COMMD1: variants seen among roughly 807,000 people sequenced by gnomAD.
COMMD1 encodes copper metabolism domain containing 1.
COMMD1 carries 10 observed loss-of-function variants against 17.2 expected under a neutral mutation model. The ratio of observed to expected loss-of-function variants is 0.58; its 90% CI spans 0.36 to 0.99. The LOEUF is 0.99. COMMD1 is among the 50% of genes least tolerant of loss of function. The pLI is 0.01. For missense variants in COMMD1, 270 were observed against 231.8 expected, an observed-to-expected ratio of 1.17 and a Z score of -1.07; for synonymous variants, 97 against 91.6, an observed-to-expected ratio of 1.06 and a Z score of -0.34.
intron 1 of COMMD1, among the ~76,000 whole-genome samples, chr2:61,978,448 A>G (rs1671864615): frequency 6.6e-6 from 1 of 152,198 alleles, no homozygotes; most frequent in Non-Finnish European, 1.5e-5. Flanking sequence ...TTTCCTTCAA[A>G]TATTGAGCTC....
intron 2 of COMMD1, among the ~76,000 whole-genome samples, chr2:62,061,565 T>TTTTTC (rs1558582138): frequency 7.3e-6 from 1 of 137,652 alleles, no homozygotes; most frequent in Admixed American, 7.1e-5. Context: ...TTTTTTTTTT[T>TTTTTC]TTTTTTTTGA....
rs184125947 is a variant in COMMD1 at position 62,129,122 on chromosome 2, G to A, written c.463-6709G>A. 1.7e-3 allele frequency among the ~76,000 whole-genome samples: 263 copies of A among 152,186 alleles called. 1 individual carries two copies. The highest frequency in any genetic ancestry group is 5.9e-3 in the African/African-American group (246 of 41,532). Reference sequence around the variant, plus strand: ...TTTGTATTTGGTGATTCTATGCTTCGGCAGTCTGAAGAGACTTAGCTTTAT... The same window carrying A: ...TTTGTATTTGGTGATTCTATGCTTCAGCAGTCTGAAGAGACTTAGCTTTAT... On this transcript the variant is annotated intron_variant, in intron 2 of 2. Coordinates refer to ENST00000311832, the MANE Select transcript of COMMD1 (RefSeq NM_152516.4).
rs114665633 is a variant in COMMD1, at chr2:62,101,115, G to C, written c.463-34716G>C. Among the ~76,000 whole-genome samples, 707 of 150,200 alleles carry C rather than the reference G, an allele frequency of 4.7e-3. 4 individuals are homozygous for C. The highest frequency in any genetic ancestry group is 0.016 in the African/African-American group (672 of 40,900). On this transcript the variant is annotated intron_variant, in intron 2 of 2. Transcript: ENST00000311832. The stretch of plus-strand genomic sequence containing the variant: ...CAAGATTTAAAAAAAAAAAAAATGA[G>C]AGCTTAGTCCTCAATGGCTTTTCTG...
intron 1 of COMMD1, among the ~76,000 whole-genome samples, chr2:61,952,079 T>A (rs192231142): frequency 6.6e-6 from 1 of 152,308 alleles, no homozygotes; most frequent in African/African-American, 2.4e-5. Flanking sequence ...GTAAAAGAAG[T>A]TTGACATGGC....
At chr2:61,960,334 G>C (rs569240411) in intron 1 of COMMD1, among the ~76,000 whole-genome samples, 1 of 152,080 alleles carries the variant, frequency 6.6e-6, no homozygotes, top group Non-Finnish European at 1.5e-5. Flanking sequence ...ATACAGTGGC[G>C]GGGGAGTTGG....
chr2:61,891,677 G>C (rs1243735720), intron 1 of COMMD1, among the ~76,000 whole-genome samples: 1 of 151,810 alleles, frequency 6.6e-6, no homozygotes, highest in Admixed American at 6.6e-5. Flanking sequence ...GTAGTGAGCC[G>C]AGATCATGCC....
At chr2:62,032,243 C>G (rs1669927074) in intron 2 of COMMD1, among the ~76,000 whole-genome samples, 1 of 152,114 alleles carries the variant, frequency 6.6e-6, no homozygotes, top group South Asian at 2.1e-4. Context: ...TGCCAGAAAC[C>G]ACTGACTCAT....
chr2:61,893,952 A>G (rs147324819), intron 1 of COMMD1, among the ~76,000 whole-genome samples: 2,228 of 152,182 alleles, frequency 0.015, 45 homozygotes, highest in African/African-American at 0.05. Context: ...TAGTCCCACT[A>G]CTCACGAAGT....
At chr2:62,101,614 T>A (rs1171526339) in intron 2 of COMMD1, among the ~76,000 whole-genome samples, 1 of 151,852 alleles carries the variant, frequency 6.6e-6, no homozygotes, top group African/African-American at 2.4e-5. Context: ...TGTCTCTCTC[T>A]CTCTCTATAT....
At chr2:61,986,328 G>T (rs1484967997) in intron 1 of COMMD1, among the ~76,000 whole-genome samples, 1 of 151,992 alleles carries the variant, frequency 6.6e-6, no homozygotes, top group East Asian at 1.9e-4. Flanking sequence ...TGACTTTCAG[G>T]AGTGTAATTA....
At chr2:61,967,668 G>A (rs1039587884) in intron 1 of COMMD1, among the ~76,000 whole-genome samples, 1 of 152,186 alleles carries the variant, frequency 6.6e-6, no homozygotes, top group African/African-American at 2.4e-5. Flanking sequence ...AAAGCTGAAT[G>A]GGCTAGTACA....
intron 2 of COMMD1, among the ~76,000 whole-genome samples, chr2:62,070,678 C>T (rs561121299): frequency 1.3e-5 from 2 of 152,134 alleles, no homozygotes; most frequent in Admixed American, 6.5e-5. Context: ...TTGGATCCCA[C>T]GCAAGAAAGA....
At chr2:61,918,149 G>A (rs1359226655) in intron 1 of COMMD1, among the ~76,000 whole-genome samples, 3 of 152,032 alleles carry the variant, frequency 2.0e-5, no homozygotes, top group Non-Finnish European at 1.5e-5. Context: ...CTCAAAAGTT[G>A]GCTACTCAAC....
chr2:62,031,454 T>G (rs1669906130), intron 2 of COMMD1, among the ~76,000 whole-genome samples: 1 of 152,228 alleles, frequency 6.6e-6, no homozygotes, highest in South Asian at 2.1e-4. Flanking sequence ...TTGAAGCTGT[T>G]AAGAAGCATA....
chr2:61,965,285 A>G (rs1396244270), intron 1 of COMMD1, among the ~76,000 whole-genome samples: 5 of 152,260 alleles, frequency 3.3e-5, no homozygotes, highest in Non-Finnish European at 7.3e-5. Context: ...AATTTTATGT[A>G]AAATTTTTCT....
At chr2:61,894,695 T>TA (rs576368535) in intron 1 of COMMD1, among the ~76,000 whole-genome samples, 1 of 149,696 alleles carries the variant, frequency 6.7e-6, no homozygotes, top group Non-Finnish European at 1.5e-5. Context: ...ATTTTTTAAT[T>TA]AAAAAAAAAA....
intron 2 of COMMD1, among the ~76,000 whole-genome samples, chr2:62,064,249 C>G (rs1032076153): frequency 6.6e-6 from 1 of 152,128 alleles, no homozygotes; most frequent in African/African-American, 2.4e-5. Context: ...TCTCAGCTCA[C>G]TGCAACCTCC....
chr2:62,079,998 A>G (rs943945676), intron 2 of COMMD1, among the ~76,000 whole-genome samples: 3 of 152,248 alleles, frequency 2.0e-5, no homozygotes, highest in Non-Finnish European at 4.4e-5. Flanking sequence ...TTAGCACCCA[A>G]AGAATTATAC....
intron 2 of COMMD1, among the ~76,000 whole-genome samples, chr2:62,010,235 C>T (rs900977580): frequency 6.6e-6 from 1 of 151,994 alleles, no homozygotes; most frequent in Non-Finnish European, 1.5e-5. Flanking sequence ...ATTACCTTGT[C>T]TTTGAAATAT....
Sources: allele counts gnomAD v4.1 joint callset (sites outside exome capture counted in the v4.1 genomes callset), GRCh38; gene constraint gnomAD v4.1.1; transcripts MANE v1.5; gene names NCBI Gene and HGNC (gene_info 2026-07-23, HGNC 2026-07-21).